The following SDC1 variants were observed in gnomAD, a reference collection of about 807,000 sequenced individuals.
SDC1 encodes the protein syndecan 1, also known as syndecan-1.
SDC1 carries 14 observed loss-of-function variants against 29.7 expected under a neutral mutation model. The ratio of observed to expected loss-of-function variants is 0.47; its 90% CI spans 0.31 to 0.74. The LOEUF (loss-of-function observed/expected upper bound fraction) is 0.74, where lower values mean the gene tolerates loss of function less well. Ranked by LOEUF, SDC1 falls within the 30% of genes least tolerant of loss-of-function variation. The pLI is 0.05. For synonymous variants in SDC1, 204 were observed against 175.5 expected, an observed-to-expected ratio of 1.16 and a Z score of -1.29; for missense variants, 406 against 400.3, an observed-to-expected ratio of 1.01 and a Z score of -0.12.
rs762348014 is a variant in SDC1, at chr2:20,203,068, C to T, written c.763+19G>A. ...CAGCAGCAATTCACCCCAAACTACC[C>T]CCCTGAAAGAAAACTCACCTCCCAG... On this transcript the variant is annotated intron_variant, in intron 4 of 4. Coordinates refer to ENST00000254351, the MANE Select transcript of SDC1 (RefSeq NM_002997.5). 4 of 1,587,452 alleles carry T rather than the reference C, an allele frequency of 2.5e-6. No homozygotes were observed. Among genetic ancestry groups the T allele is most frequent in the South Asian group, 2.2e-5 (2 of 89,122 alleles).
chr2:20,225,004 C>A lies in SDC1; in HGVS notation c.-137G>T. 7 of 1,098,598 alleles carry A rather than the reference C, an allele frequency of 6.4e-6. No homozygotes were observed. Among genetic ancestry groups the A allele is most frequent in the Non-Finnish European group, 7.9e-6 (7 of 884,830 alleles). 68.1% of individuals were successfully genotyped at this position (1,098,598 alleles called of 1,614,324 possible). On this transcript the variant is annotated 5_prime_UTR_variant, in exon 1 of 5. Transcript: ENST00000254351. ...TGTCCCAGGCGAGGGCTGCAGGGTC[C>A]GCCGGCTGGAGTCCGCTCTCTACTG... is the stretch of plus-strand genomic sequence containing the variant.
chr2:20,213,614 C>T (rs1359306140), intron 1 of SDC1, among the ~76,000 whole-genome samples: 2 of 152,226 alleles, frequency 1.3e-5, no homozygotes, highest in African/African-American at 4.8e-5. Context: ...TGTCCCTCCC[C>T]CAGCCCTGTC....
At chr2:20,212,149 C>T (rs1320091345) in intron 1 of SDC1, among the ~76,000 whole-genome samples, 7 of 152,308 alleles carry the variant, frequency 4.6e-5, no homozygotes, top group African/African-American at 2.4e-5. Flanking sequence ...GGGGTTCTGT[C>T]CCCCAAGACT....
At position 20,224,821 on chromosome 2, in the gene SDC1, C is replaced by T. The variant is rs2148300627; in HGVS notation, c.47G>A (p.Ser16Asn). ...ACTCACCGGCAGGGCCGGCTGCAGG[C>T]TCAGCGCCAGCGCGCACAGCCAGAG... is the stretch of plus-strand genomic sequence containing the variant. The part of the protein sequence containing the change: ...LWLWLCALAL[S>N]LQPALPQIVA... Residue 16 changes from serine to asparagine, a missense_variant, in exon 1 of 5, where the codon AGC (serine) becomes AAC (asparagine). By Grantham distance (46) the Ser-to-Asn change is conservative. Coordinates refer to ENST00000254351, the MANE Select transcript of SDC1 (RefSeq NM_002997.5). This position sits in a 1 kb window ranked among gnomAD's most constrained non-coding sequence, Gnocchi z 4.9. 2 of 1,294,264 alleles carry T rather than the reference C, an allele frequency of 1.5e-6. No individual in the cohort carries two copies. The highest frequency in any genetic ancestry group is 1.5e-5 in the African/African-American group (1 of 64,672). The allele number at this position is 1,294,264 out of a possible 1,614,324, so 80.2% of individuals were successfully genotyped here. A position where few individuals can be genotyped will look rare whatever the true frequency, so the allele number is the denominator to read the frequency against.
Position 20,202,886 on chromosome 2 carries a change from C to T in SDC1, c.813G>A (p.Val271=). ...LVGLIFAVCL[V]GFMLYRMKKK... ...TCTTCATGCGGTACAGCATGAAACC[C>T]ACCAGGCACACAGCAAAGATGAGCC... Residue 271 remains valine (V), a synonymous_variant, in exon 5 of 5, where the codon GTG becomes GTA. Transcript: ENST00000254351. 6.2e-7 allele frequency: 1 copy of T among 1,613,758 alleles called. No individual in the cohort carries two copies. The highest frequency in any genetic ancestry group is 8.5e-7 in the Non-Finnish European group (1 of 1,179,860).
At position 20,203,804 on chromosome 2, in the gene SDC1, G is replaced by A. The variant is rs935977021; in HGVS notation, c.627+9C>T. The A allele has an allele frequency of 4.5e-6, 7 of 1,555,058 alleles. No homozygotes were observed. The highest frequency in any genetic ancestry group is 2.1e-5 in the Admixed American group (1 of 47,934). ...ACTCAATTTCCCAAGGAATGCAGAG[G>A]CCACTCACCTGCTCCCCAGAGCCCT... On this transcript the variant is annotated intron_variant, in intron 3 of 4. Transcript: ENST00000254351.
intron 4 of SDC1, 44 bp from the exon 5 acceptor site, chr2:20,202,979 G>A (rs1677083770): frequency 6.3e-7 from 1 of 1,581,028 alleles, no homozygotes; most frequent in Admixed American, 1.7e-5. Context: ...CGGCTCCTTG[G>A]GCTCTGCTGC....
intron 1 of SDC1, among the ~76,000 whole-genome samples, chr2:20,212,185 C>G (rs1248305479): frequency 6.6e-6 from 1 of 152,224 alleles, no homozygotes; most frequent in Non-Finnish European, 1.5e-5. Context: ...CCTCAGGGAC[C>G]CACAGCACTG....
rs929025745 is a variant in SDC1, at chr2:20,200,974, G to A, written c.*1792C>T. The A allele has an allele frequency of 6.6e-6, 1 of 152,266 alleles. No individual in the cohort carries two copies. The highest frequency in any genetic ancestry group is 1.5e-5 in the Non-Finnish European group (1 of 68,072). 9.4% of individuals were successfully genotyped at this position (152,266 alleles called of 1,614,324 possible). A position where few individuals can be genotyped will look rare whatever the true frequency, so the allele number is the denominator to read the frequency against. On this transcript the variant is annotated 3_prime_UTR_variant, in exon 5 of 5. Transcript: ENST00000254351. ...GTCGCAGTATCGAATACCGGACACA[G>A]GTTCCCTTGGCTTGGTGGTGCATCT...
At chr2:20,223,498 T>TACA in intron 1 of SDC1, 4 of 330,062 alleles carry the variant, frequency 1.2e-5, no homozygotes, top group East Asian at 8.9e-5. Flanking sequence ...ACACCGCCAC[T>TACA]TCCGGAAGGG....
In SDC1 at chr2:20,224,495, G is replaced by C. The variant is rs576187526; in HGVS notation, c.66+307C>G. Among the ~76,000 whole-genome samples, 1 of 151,854 alleles carries C rather than the reference G, an allele frequency of 6.6e-6. No individual in the cohort carries two copies. Among genetic ancestry groups the C allele is most frequent in the South Asian group, 2.1e-4 (1 of 4,824 alleles). The stretch of plus-strand genomic sequence containing the variant: ...TGGCCGGGGCGAGGAGGGTGGGAAC[G>C]GGCGACCCCGGGCGCCGCTGTGGGC... On this transcript the variant is annotated intron_variant, in intron 1 of 4. Transcript: ENST00000254351. The surrounding 1 kb of genome is among the most constrained non-coding windows in gnomAD (Gnocchi z 4.9).
intron 1 of SDC1, among the ~76,000 whole-genome samples, chr2:20,221,247 C>T (rs2002089): frequency 0.018 from 2,790 of 152,268 alleles, 92 homozygotes; most frequent in African/African-American, 0.063. Context: ...TGGAAATAAG[C>T]CTAACTCATC....
Position 20,223,229 on chromosome 2 carries a change from C to T in SDC1, c.66+1573G>A, listed in dbSNP as rs569344659. 1,295 of 1,301,714 alleles carry T rather than the reference C, an allele frequency of 9.9e-4. 23 individuals are homozygous for T. The South Asian group carries it at 0.015, about 15-fold the overall frequency. The allele number at this position is 1,301,714 out of a possible 1,614,324, so 80.6% of individuals were successfully genotyped here. A position where few individuals can be genotyped will look rare whatever the true frequency, so the allele number is the denominator to read the frequency against. The stretch of plus-strand genomic sequence containing the variant: ...TGGGAAGCAGGGAGGGCGCTTTACA[C>T]ATCGGTCTCAGAAACGACTGTCCCT... On this transcript the variant is annotated intron_variant, in intron 1 of 4. Coordinates refer to ENST00000254351, the MANE Select transcript of SDC1 (RefSeq NM_002997.5).
At chr2:20,216,312 C>A (rs1677624877) in intron 1 of SDC1, among the ~76,000 whole-genome samples, 2 of 152,336 alleles carry the variant, frequency 1.3e-5, no homozygotes, top group South Asian at 4.1e-4. Flanking sequence ...CTCAGCCCCG[C>A]AGGCCCTGGC....
chr2:20,224,687 C>A lies in SDC1; in HGVS notation c.66+115G>T, dbSNP rs192308917. 2.0e-4 allele frequency: 237 copies of A among 1,157,776 alleles called. No individual in the cohort carries two copies. In the African/African-American group the frequency reaches 3.5e-3, roughly 17 times the overall value. The allele number at this position is 1,157,776 out of a possible 1,614,324, so 71.7% of individuals were successfully genotyped here. Reference sequence around the variant, plus strand: ...CGTCCCGGGACCCGCTGGGCTAGCGCGGGAAGAAGGGAAGTCTTCGCTCCC... The same window carrying A: ...CGTCCCGGGACCCGCTGGGCTAGCGAGGGAAGAAGGGAAGTCTTCGCTCCC... On this transcript the variant is annotated intron_variant, in intron 1 of 4. Transcript: ENST00000254351. This position sits in a 1 kb window ranked among gnomAD's most constrained non-coding sequence, Gnocchi z 4.9.
intron 2 of SDC1, 62 bp from the exon 3 acceptor site, chr2:20,204,353 T>C: frequency 1.1e-6 from 1 of 916,970 alleles, no homozygotes; most frequent in Non-Finnish European, 1.6e-6. Flanking sequence ...AGAAGCAGAG[T>C]GTGTTGGGTG....
Position 20,209,979 on chromosome 2 carries a change from C to T in SDC1, c.67-4555G>A, listed in dbSNP as rs571594859. 3.9e-5 allele frequency among the ~76,000 whole-genome samples: 6 copies of T among 152,318 alleles called. No homozygotes were observed. The East Asian group carries it at 7.7e-4, about 20-fold the overall frequency. ...GTCAGAAGGCCTTTGGTTTCCAGCC[C>T]GCACCCTGAATCACTGACATTGGTC... On this transcript the variant is annotated intron_variant, in intron 1 of 4. Coordinates refer to ENST00000254351, the MANE Select transcript of SDC1 (RefSeq NM_002997.5).
At chr2:20,212,438 C>T (rs1045511218) in intron 1 of SDC1, among the ~76,000 whole-genome samples, 1 of 152,186 alleles carries the variant, frequency 6.6e-6, no homozygotes, top group Non-Finnish European at 1.5e-5. Flanking sequence ...GTGCTAGACA[C>T]ATCACTCCTC....
At chr2:20,208,620 G>C (rs192251686) in intron 1 of SDC1, among the ~76,000 whole-genome samples, 1 of 152,148 alleles carries the variant, frequency 6.6e-6, no homozygotes, top group Non-Finnish European at 1.5e-5. Flanking sequence ...TGAGACTTTC[G>C]ATTTCCTTTA....
Sources: gnomAD v4.1 joint callset for allele counts (sites outside exome capture counted in the v4.1 genomes callset) on GRCh38, gnomAD v4.1.1 for gene constraint, Gnocchi (gnomAD v3.1) non-coding constraint, MANE v1.5 for transcripts, NCBI Gene and HGNC (gene_info 2026-07-23, HGNC 2026-07-21) for gene names.